Variants in TFRC observed in about 807,000 individuals in gnomAD.
The protein encoded by TFRC is transferrin receptor protein 1.
TFRC carries 35 observed loss-of-function variants against 85.8 expected under a neutral mutation model. The observed-to-expected ratio is 0.41, with a 90% confidence interval of 0.31 to 0.54. The LOEUF (loss-of-function observed/expected upper bound fraction) is 0.54, where lower values mean the gene tolerates loss of function less well. Ranked by LOEUF, TFRC falls within the 20% of genes least tolerant of loss-of-function variation. TFRC has a pLI of 0.31. For synonymous variants in TFRC, 362 were observed against 328.6 expected, an observed-to-expected ratio of 1.10 and a Z score of -1.10; for missense variants, 828 against 921.5, an observed-to-expected ratio of 0.90 and a Z score of 1.31.
chr3:196,064,432 TAAAAAAG>T lies in TFRC; in HGVS notation c.1199-11_1199-5del. 6.4e-7 allele frequency: 1 copy of T among 1,571,856 alleles called. No individual in the cohort carries two copies. The highest frequency in any genetic ancestry group is 8.6e-7 in the Non-Finnish European group (1 of 1,167,832). ...GCCCCAACTACAACATAGTGATCTT[TAAAAAAG>T]AAAAAAGAGGAAGAAAGAACTTATA... On this transcript the variant is annotated splice_polypyrimidine_tract_variant and splice_region_variant and intron_variant, in intron 10 of 18. Coordinates refer to ENST00000360110, the MANE Select transcript of TFRC (RefSeq NM_001128148.3).
At chr3:196,068,526 G>A (rs41303541) in intron 7 of TFRC, among the ~76,000 whole-genome samples, 1,635 of 141,158 alleles carry the variant, frequency 0.012, 29 homozygotes, top group African/African-American at 0.04. Context: ...CAGGAGAATC[G>A]CTTGAAACCA....
chr3:196,070,557 A>C (rs1718105694), intron 6 of TFRC, among the ~76,000 whole-genome samples: 1 of 152,054 alleles, frequency 6.6e-6, no homozygotes. Context: ...CCAGCCACAA[A>C]TGTGATTTTT....
chr3:196,080,383 C>T (rs1719064599), intron 1 of TFRC, among the ~76,000 whole-genome samples: 2 of 152,166 alleles, frequency 1.3e-5, no homozygotes, highest in South Asian at 2.1e-4. Context: ...GAATTACAGA[C>T]GTGAGCCACC....
intron 2 of TFRC, among the ~76,000 whole-genome samples, 197 bp downstream of exon 2, chr3:196,076,867 T>G (rs555095714): frequency 6.6e-6 from 1 of 152,338 alleles, no homozygotes; most frequent in South Asian, 2.1e-4. Flanking sequence ...CTGAGAATTC[T>G]TCCAAGACTT....
chr3:196,050,887 T>A lies in TFRC; in HGVS notation c.*1055A>T, dbSNP rs946157594. ...ACGGCTGTTTTCTAAAACCCTTAAGTGTTGACCATAAATGCAAAACTTCCA... is the reference window on the plus strand; with the variant it reads ...ACGGCTGTTTTCTAAAACCCTTAAGAGTTGACCATAAATGCAAAACTTCCA... On this transcript the variant is annotated 3_prime_UTR_variant, in exon 19 of 19. Transcript: ENST00000360110. 5.0e-6 allele frequency: 1 copy of A among 201,786 alleles called. No homozygotes were observed. Among genetic ancestry groups the A allele is most frequent in the Non-Finnish European group, 1.0e-5 (1 of 97,862 alleles). The allele number at this position is 201,786 out of a possible 1,614,324, so 12.5% of individuals were successfully genotyped here. A position where few individuals can be genotyped will look rare whatever the true frequency, so the allele number is the denominator to read the frequency against.
chr3:196,060,585 T>G (rs1380643363), intron 13 of TFRC: 3 of 201,850 alleles, frequency 1.5e-5, no homozygotes, highest in Non-Finnish European at 3.0e-5. Flanking sequence ...GATCACAAGG[T>G]CAGGAGATCG....
Position 196,060,186 on chromosome 3 carries a change from C to T in TFRC, c.1530G>A (p.Met510Ile). The T allele has an allele frequency of 6.2e-7, 1 of 1,613,344 alleles. No homozygotes were observed. The highest frequency in any genetic ancestry group is 8.5e-7 in the Non-Finnish European group (1 of 1,179,674). ...TAATGAGGTATATACTCACATTTTG[C>T]ATTGTTTTCTCAATAAGCGTATACA... ...PLLYTLIEKT[M>I]QNVKHPVTGQ... Residue 510 changes from methionine to isoleucine, a missense_variant, in exon 14 of 19, where the codon ATG becomes ATA. By Grantham distance (10) the Met-to-Ile change is conservative (BLOSUM62 1). Transcript: ENST00000360110.
intron 16 of TFRC, among the ~76,000 whole-genome samples, chr3:196,057,137 G>A (rs1470081418): frequency 5.3e-5 from 8 of 152,188 alleles, no homozygotes; most frequent in Non-Finnish European, 5.9e-5. Context: ...CCCAATTTCT[G>A]CCTCCAAAGA....
chr3:196,079,601 C>T (rs422772), intron 1 of TFRC, among the ~76,000 whole-genome samples: 44,833 of 152,052 alleles, frequency 0.29, 7,371 homozygotes, highest in Non-Finnish European at 0.37. Context: ...GGGCAACAAG[C>T]GTGAAACTCT....
At chr3:196,063,033 T>C in intron 11 of TFRC, 94 bp from the exon 12 acceptor site, 1 of 923,306 alleles carries the variant, frequency 1.1e-6, no homozygotes, top group East Asian at 2.6e-5. Context: ...AAGGTCTAAT[T>C]CCAAGATAGC....
chr3:196,063,900 AAC>A (rs3216646), intron 11 of TFRC, among the ~76,000 whole-genome samples: 11,643 of 152,222 alleles, frequency 0.076, 562 homozygotes, highest in East Asian at 0.17. Context: ...CAGCCTGGGC[AAC>A]AGAGTGAAAC....
Position 196,065,777 on chromosome 3 carries a change from G to A in TFRC, c.1041-177C>T, listed in dbSNP as rs758058267. ...GAGGCTGAGGCAGGTGGATCACAAG[G>A]TCAGGAGTTCAAGACCAGCCTGACC... On this transcript the variant is annotated intron_variant, in intron 9 of 18. Transcript: ENST00000360110. 1.2e-3 allele frequency among the ~76,000 whole-genome samples: 177 copies of A among 151,912 alleles called. 1 individual carries two copies. Among genetic ancestry groups the A allele is most frequent in the Non-Finnish European group, 3.7e-4 (25 of 67,988 alleles).
chr3:196,067,875 A>C (rs999918157), intron 8 of TFRC, among the ~76,000 whole-genome samples, 157 bp downstream of exon 8: 52 of 152,218 alleles, frequency 3.4e-4, no homozygotes, highest in Non-Finnish European at 2.8e-4. Flanking sequence ...CAAATAATAA[A>C]GCCTCAAAGT....
chr3:196,079,839 C>T (rs1477345939), intron 1 of TFRC, among the ~76,000 whole-genome samples: 3 of 152,184 alleles, frequency 2.0e-5, no homozygotes, highest in African/African-American at 4.8e-5. Context: ...TGTTTTTACC[C>T]ACCAACATTC....
chr3:196,062,284 T>A, intron 13 of TFRC: 2 of 346,776 alleles, frequency 5.8e-6, no homozygotes, highest in Non-Finnish European at 1.1e-5. Flanking sequence ...GGCCCACATC[T>A]GTAATCCCAG....
chr3:196,061,576 GC>G (rs1717285741), intron 13 of TFRC, among the ~76,000 whole-genome samples: 1 of 152,034 alleles, frequency 6.6e-6, no homozygotes. Flanking sequence ...TGCAACCTCT[GC>G]CTCCCGGGTT....
chr3:196,072,618 CTA>C (rs1453690545), intron 4 of TFRC, among the ~76,000 whole-genome samples: 1 of 152,054 alleles, frequency 6.6e-6, no homozygotes, highest in Non-Finnish European at 1.5e-5. Flanking sequence ...GTGGGGTGGA[CTA>C]TACTCTCACT....
At chr3:196,056,987 A>C (rs928868682) in intron 16 of TFRC, among the ~76,000 whole-genome samples, 1 of 151,946 alleles carries the variant, frequency 6.6e-6, no homozygotes, top group Non-Finnish European at 1.5e-5. Flanking sequence ...ATGTCCGACT[A>C]ATTTTTGTAT....
In TFRC at chr3:196,055,297, G is replaced by C. The variant is rs780221091; in HGVS notation, c.1682C>G (p.Thr561Arg). ...GGTGGTACCCAAATAAGGATAATCTGTGTCCTGCAAGACAACGCGAGGCTA... is the reference window on the plus strand; with the variant it reads ...GGTGGTACCCAAATAAGGATAATCTCTGTCCTGCAAGACAACGCGAGGCTA... ...PAVSFCFCED[T>R]DYPYLGTTMD... Residue 561 changes from threonine to arginine, a missense_variant, in exon 17 of 19, where the codon ACA becomes AGA. Physicochemically the swap from Thr to Arg is moderately conservative, Grantham distance 71 (BLOSUM62 -1). Coordinates refer to ENST00000360110, the MANE Select transcript of TFRC (RefSeq NM_001128148.3). 4 of 1,613,616 alleles carry C rather than the reference G, an allele frequency of 2.5e-6. No individual in the cohort carries two copies. Among genetic ancestry groups the C allele is most frequent in the Admixed American group, 1.7e-5 (1 of 60,010 alleles).
Sources: gnomAD v4.1 joint callset for allele counts (sites outside exome capture counted in the v4.1 genomes callset) on GRCh38, gnomAD v4.1.1 for gene constraint, MANE v1.5 for transcripts, NCBI Gene and HGNC (gene_info 2026-07-23, HGNC 2026-07-21) for gene names.